The following UBE2G1 variants were observed in gnomAD, a reference collection of about 807,000 sequenced individuals.
UBE2G1 encodes ubiquitin-conjugating enzyme E2 G1.
Under a neutral mutation model 22.7 loss-of-function variants are expected in UBE2G1, and 5 were observed. That is an observed-to-expected ratio of 0.22 (90% CI 0.12 to 0.46). The LOEUF (loss-of-function observed/expected upper bound fraction) is 0.46, where lower values mean the gene tolerates loss of function less well. Among genes scored for constraint, UBE2G1 ranks in the 20% least tolerant of loss-of-function variants. The pLI is 0.99. For synonymous variants in UBE2G1, 74 were observed against 67.5 expected, an observed-to-expected ratio of 1.10 and a Z score of -0.47; for missense variants, 88 against 203.9, an observed-to-expected ratio of 0.43 and a Z score of 3.46.
chr17:4,304,872 C>T (rs1182020382), intron 2 of UBE2G1, among the ~76,000 whole-genome samples: 4 of 152,048 alleles, frequency 2.6e-5, no homozygotes, highest in Non-Finnish European at 5.9e-5. Flanking sequence ...TCAAACAATT[C>T]CAAGATGGCC....
chr17:4,278,746 GAAT>G (rs1968849692), intron 5 of UBE2G1, among the ~76,000 whole-genome samples: 1 of 152,280 alleles, frequency 6.6e-6, no homozygotes, highest in African/African-American at 2.4e-5. Context: ...GTGAAAATAG[GAAT>G]AATTTTTAGA....
At chr17:4,364,282 G>T (rs1222927405) in intron 1 of UBE2G1, 1 of 130,750 alleles carries the variant, frequency 7.6e-6, no homozygotes, top group African/African-American at 3.2e-5. Flanking sequence ...AAAAAAAAAT[G>T]CAATAAAGTT....
At chr17:4,353,129 A>T (rs903549524) in intron 1 of UBE2G1, among the ~76,000 whole-genome samples, 9 of 152,022 alleles carry the variant, frequency 5.9e-5, no homozygotes, top group African/African-American at 2.2e-4. Flanking sequence ...GAGGCAGGAG[A>T]ATTGCTTGAA....
At chr17:4,354,874 C>G (rs1969887472) in intron 1 of UBE2G1, among the ~76,000 whole-genome samples, 1 of 151,048 alleles carries the variant, frequency 6.6e-6, no homozygotes, top group Non-Finnish European at 1.5e-5. Flanking sequence ...GAGATTGAGG[C>G]TGCAGTAGGC....
At chr17:4,332,807 C>T (rs1458693103) in intron 1 of UBE2G1, among the ~76,000 whole-genome samples, 2 of 152,190 alleles carry the variant, frequency 1.3e-5, no homozygotes, top group African/African-American at 4.8e-5. Flanking sequence ...GCATGATTCA[C>T]TCATTCACCT....
chr17:4,357,821 T>C (rs1969924916), intron 1 of UBE2G1, among the ~76,000 whole-genome samples: 1 of 151,904 alleles, frequency 6.6e-6, no homozygotes, highest in Non-Finnish European at 1.5e-5. Flanking sequence ...AAAAATAGAC[T>C]GGATGTGGTG....
chr17:4,306,958 T>A lies in UBE2G1; in HGVS notation c.149+63A>T, dbSNP rs1487957244. 3 of 1,499,574 alleles carry A rather than the reference T, an allele frequency of 2.0e-6. No individual in the cohort carries two copies. The East Asian group carries it at 6.9e-5, about 35-fold the overall frequency. The allele number at this position is 1,499,574 out of a possible 1,614,324, so 92.9% of individuals were successfully genotyped here. A position where few individuals can be genotyped will look rare whatever the true frequency, so the allele number is the denominator to read the frequency against. On this transcript the variant is annotated intron_variant, in intron 2 of 5. Transcript: ENST00000396981. The stretch of plus-strand genomic sequence containing the variant: ...AGCCACCGTGCCCAGCCTGCCAAAA[T>A]AGTTTTTAATTCAGTGTATTAAAAG...
intron 1 of UBE2G1, among the ~76,000 whole-genome samples, chr17:4,326,809 T>C (rs1969507898): frequency 6.6e-6 from 1 of 152,242 alleles, no homozygotes; most frequent in African/African-American, 2.4e-5. Flanking sequence ...TTGAAAATAT[T>C]ATGCCAAGTG....
chr17:4,274,143 G>C (rs1396009278), intron 5 of UBE2G1, among the ~76,000 whole-genome samples: 2 of 148,584 alleles, frequency 1.3e-5, no homozygotes, highest in Non-Finnish European at 1.5e-5. Flanking sequence ...ACCACACCCG[G>C]CTAATTTATT....
At chr17:4,285,734 G>A (rs1013234312) in intron 4 of UBE2G1, among the ~76,000 whole-genome samples, 5 of 151,862 alleles carry the variant, frequency 3.3e-5, no homozygotes, top group Admixed American at 6.6e-5. Context: ...GGCGGATCAC[G>A]ACATCAAGTA....
intron 2 of UBE2G1, chr17:4,301,556 T>G (rs2143720817): frequency 7.5e-7 from 1 of 1,337,590 alleles, no homozygotes; most frequent in Non-Finnish European, 1.1e-6. Flanking sequence ...CCTGGTATTC[T>G]TGGCCCAATG....
chr17:4,349,065 G>A (rs946001312), intron 1 of UBE2G1, among the ~76,000 whole-genome samples: 2 of 152,076 alleles, frequency 1.3e-5, no homozygotes, highest in African/African-American at 4.8e-5. Flanking sequence ...GCTCACGCCT[G>A]TAATCTCAGC....
At chr17:4,319,235 A>C (rs980587928) in intron 1 of UBE2G1, among the ~76,000 whole-genome samples, 3 of 152,328 alleles carry the variant, frequency 2.0e-5, no homozygotes, top group Admixed American at 6.5e-5. Context: ...CTGGTACAGA[A>C]TAAACAATAA....
chr17:4,364,786 T>G (rs1159525399), intron 1 of UBE2G1, among the ~76,000 whole-genome samples: 1 of 150,270 alleles, frequency 6.7e-6, no homozygotes, highest in Non-Finnish European at 1.5e-5. Context: ...TTCACCACTT[T>G]GGCCAGGCTG....
chr17:4,350,923 C>T (rs1227109199), intron 1 of UBE2G1, among the ~76,000 whole-genome samples: 1 of 151,720 alleles, frequency 6.6e-6, no homozygotes, highest in Non-Finnish European at 1.5e-5. Flanking sequence ...GTCCCAGCTA[C>T]TCGGGAGGCT....
intron 1 of UBE2G1, among the ~76,000 whole-genome samples, chr17:4,319,880 A>T (rs1243038746): frequency 6.6e-6 from 1 of 152,170 alleles, no homozygotes; most frequent in East Asian, 1.9e-4. Flanking sequence ...AGTAACAGAA[A>T]AACGCAGGTG....
At chr17:4,306,001 A>G (rs1260104207) in intron 2 of UBE2G1, among the ~76,000 whole-genome samples, 2 of 152,234 alleles carry the variant, frequency 1.3e-5, no homozygotes, top group Non-Finnish European at 2.9e-5. Context: ...TCACACCACT[A>G]CATTGTTGTC....
At chr17:4,347,748 A>G (rs1969796088) in intron 1 of UBE2G1, among the ~76,000 whole-genome samples, 1 of 152,142 alleles carries the variant, frequency 6.6e-6, no homozygotes, top group Non-Finnish European at 1.5e-5. Context: ...AAGTGACAGG[A>G]TAAAGGCGTG....
At position 4,282,780 on chromosome 17, in the gene UBE2G1, T is replaced by C; in HGVS notation, c.*37+18A>G. The stretch of plus-strand genomic sequence containing the variant: ...TACTTACAAAAAAACAAAAGTATGA[T>C]ATTTAAAATAAACTTACCCTGAAAT... On this transcript the variant is annotated intron_variant, in intron 5 of 5. Transcript: ENST00000396981. 2 of 1,504,636 alleles carry C rather than the reference T, an allele frequency of 1.3e-6. No homozygotes were observed. The highest frequency in any genetic ancestry group is 9.1e-7 in the Non-Finnish European group (1 of 1,100,828). 93.2% of individuals were successfully genotyped at this position (1,504,636 alleles called of 1,614,324 possible).
Sources: allele counts gnomAD v4.1 joint callset (sites outside exome capture counted in the v4.1 genomes callset), GRCh38; gene constraint gnomAD v4.1.1; transcripts MANE v1.5; gene names NCBI Gene and HGNC (gene_info 2026-07-23, HGNC 2026-07-21).